The following MAML2 variants were observed in gnomAD, a reference collection of about 807,000 sequenced individuals.
The protein encoded by MAML2 is mastermind like transcriptional coactivator 2.
A neutral mutation model predicts 96.1 loss-of-function variants in MAML2; 22 were observed. The ratio of observed to expected loss-of-function variants is 0.23; its 90% confidence interval spans 0.16 to 0.33. The LOEUF is 0.33. Ranked by LOEUF, MAML2 falls within the 10% of genes least tolerant of loss-of-function variation. The pLI is 1.00. For synonymous variants in MAML2, 561 were observed against 521.3 expected (o/e 1.08, Z -1.04); for missense variants, 1,367 against 1,392.4 (o/e 0.98, Z 0.29).
chr11:96,115,146 A>G (rs1860212280), intron 1 of MAML2, among the ~76,000 whole-genome samples: 1 of 151,540 alleles, frequency 6.6e-6, no homozygotes, highest in Non-Finnish European at 1.5e-5. Context: ...TGTGAGGTAG[A>G]TTATTGGTCT....
At chr11:96,265,979 G>A (rs1862819829) in intron 1 of MAML2, among the ~76,000 whole-genome samples, 1 of 152,146 alleles carries the variant, frequency 6.6e-6, no homozygotes, top group African/African-American at 2.4e-5. Context: ...CAAGGTAGAG[G>A]GTGTAATTAA....
In MAML2 at chr11:95,979,053, T is replaced by C; in HGVS notation, c.3366A>G (p.Leu1122=). The C allele has an allele frequency of 3.1e-6, 5 of 1,614,030 alleles. No individual in the cohort carries two copies. The highest frequency in any genetic ancestry group is 4.2e-6 in the Non-Finnish European group (5 of 1,179,900). Residue 1122 remains leucine (L), a synonymous_variant, in exon 5 of 5, where the codon CTA becomes CTG. Coordinates refer to ENST00000524717, the MANE Select transcript of MAML2 (RefSeq NM_032427.4). ...SQQNDNMGPA[L]NSDADFIDSL... ...AATCAATGAAATCAGCATCACTGTT[T>C]AGGGCAGGGCCCATGTTATCATTTT...
At chr11:96,074,478 G>T (rs868033750) in intron 2 of MAML2, among the ~76,000 whole-genome samples, 3 of 152,224 alleles carry the variant, frequency 2.0e-5, no homozygotes, top group African/African-American at 7.2e-5. Context: ...CCAAGGAAAT[G>T]CTATCAAAAG....
chr11:96,030,560 A>G (rs1409552232), intron 2 of MAML2, among the ~76,000 whole-genome samples: 1 of 152,240 alleles, frequency 6.6e-6, no homozygotes, highest in Non-Finnish European at 1.5e-5. Flanking sequence ...AAACAATTAC[A>G]TCTTTACACC....
intron 1 of MAML2, among the ~76,000 whole-genome samples, chr11:96,243,676 C>T (rs1321586150): frequency 7.6e-6 from 1 of 131,596 alleles, no homozygotes; most frequent in Non-Finnish European, 1.6e-5. Flanking sequence ...TTTTTTGAGA[C>T]GGAGTCTCGC....
At chr11:96,306,586 G>A (rs1011061448) in intron 1 of MAML2, among the ~76,000 whole-genome samples, 3 of 152,198 alleles carry the variant, frequency 2.0e-5, no homozygotes, top group Non-Finnish European at 2.9e-5. Flanking sequence ...ACTGGGCCAT[G>A]TATTTTGCCA....
intron 1 of MAML2, among the ~76,000 whole-genome samples, chr11:96,116,707 T>G (rs1860249200): frequency 6.6e-6 from 1 of 152,200 alleles, no homozygotes; most frequent in Middle Eastern, 3.2e-3. Context: ...TCCTTTAGCT[T>G]GAATGTGTTC....
intron 1 of MAML2, among the ~76,000 whole-genome samples, chr11:96,139,963 T>G (rs1381912780): frequency 6.6e-6 from 1 of 152,208 alleles, no homozygotes; most frequent in African/African-American, 2.4e-5. Context: ...ATCTATTGAA[T>G]TAAGGAAGCT....
At chr11:96,093,627 T>G (rs147871662) in intron 1 of MAML2, 110 bp from the exon 2 acceptor site, 4 of 855,762 alleles carry the variant, frequency 4.7e-6, no homozygotes, top group Non-Finnish European at 7.1e-6. Flanking sequence ...CACACAAGAT[T>G]CAGTTTTTTA....
chr11:96,160,875 G>C (rs1176129880), intron 1 of MAML2, among the ~76,000 whole-genome samples: 3 of 152,102 alleles, frequency 2.0e-5, no homozygotes, highest in African/African-American at 7.2e-5. Flanking sequence ...GATTATAAGT[G>C]CGCACTTGGG....
At chr11:96,103,281 A>T (rs562253772) in intron 1 of MAML2, among the ~76,000 whole-genome samples, 7 of 152,298 alleles carry the variant, frequency 4.6e-5, no homozygotes, top group Non-Finnish European at 8.8e-5. Context: ...AAAGTGCTCA[A>T]TGACTGCCTG....
In MAML2 at chr11:96,341,436, G is replaced by C; in HGVS notation, c.460C>G (p.Gln154Glu). The C allele has an allele frequency of 6.5e-7, 1 of 1,549,640 alleles. No individual in the cohort carries two copies. The highest frequency in any genetic ancestry group is 8.7e-7 in the Non-Finnish European group (1 of 1,145,662). The change falls in exon 1 of 5, where the codon CAG (glutamine) becomes GAG (glutamate). Residue 154 changes from glutamine to glutamate, a missense_variant. Transcript: ENST00000524717. The stretch of plus-strand genomic sequence containing the variant: ...CCTGGGGTTGAAGCGGGCGGCTGCT[G>C]CTCTCCGTTTATCCCACCACTGCCA... ...NGGSGGINGE[Q>E]QPPASTPGDQ...
chr11:96,100,014 G>A lies in MAML2; in HGVS notation c.514-6497C>T, dbSNP rs188625273. 2.1e-3 allele frequency among the ~76,000 whole-genome samples: 314 copies of A among 152,274 alleles called. 1 individual carries two copies. The highest frequency in any genetic ancestry group is 6.9e-3 in the African/African-American group (287 of 41,558). On this transcript the variant is annotated intron_variant, in intron 1 of 4. Coordinates refer to ENST00000524717, the MANE Select transcript of MAML2 (RefSeq NM_032427.4). ...TGAGAACCGGAACTGTGAAGAAAAT[G>A]TATTGTCACTCATGTGAACCAGAAG... is the stretch of plus-strand genomic sequence containing the variant.
At chr11:96,208,499 CTT>C (rs34389970) in intron 1 of MAML2, among the ~76,000 whole-genome samples, 2,041 of 152,270 alleles carry the variant, frequency 0.013, 51 homozygotes, top group African/African-American at 0.047. Flanking sequence ...TTGAGGAACT[CTT>C]GTTTCATTTA....
intron 2 of MAML2, among the ~76,000 whole-genome samples, chr11:96,058,697 T>G (rs1157085988): frequency 6.6e-6 from 1 of 152,190 alleles, no homozygotes; most frequent in Non-Finnish European, 1.5e-5. Flanking sequence ...CTATTCCTGT[T>G]GTAGGAGCCA....
chr11:95,983,833 T>A (rs1362125885), intron 4 of MAML2, among the ~76,000 whole-genome samples: 1 of 152,202 alleles, frequency 6.6e-6, no homozygotes, highest in Non-Finnish European at 1.5e-5. Flanking sequence ...GTTTAAACAA[T>A]TTAAAAGTTG....
chr11:96,089,381 A>G (rs1591005203), intron 2 of MAML2, among the ~76,000 whole-genome samples: 1 of 152,302 alleles, frequency 6.6e-6, no homozygotes, highest in South Asian at 2.1e-4. Flanking sequence ...GCCTTCAGAG[A>G]AAGCTCACAC....
At chr11:96,046,311 C>A (rs973294504) in intron 2 of MAML2, among the ~76,000 whole-genome samples, 3 of 151,894 alleles carry the variant, frequency 2.0e-5, no homozygotes, top group Non-Finnish European at 4.4e-5. Context: ...CAGAAATAGC[C>A]CAGCTAAAGG....
intron 1 of MAML2, among the ~76,000 whole-genome samples, chr11:96,207,243 G>A (rs561909970): frequency 5.4e-4 from 82 of 152,262 alleles, no homozygotes; most frequent in Non-Finnish European, 1.1e-3. Flanking sequence ...GTGCTGCAAA[G>A]GATGTCATTT....
Sources: gnomAD v4.1 joint callset for allele counts (sites outside exome capture counted in the v4.1 genomes callset) on GRCh38, gnomAD v4.1.1 for gene constraint, MANE v1.5 for transcripts, NCBI Gene and HGNC (gene_info 2026-07-23, HGNC 2026-07-21) for gene names.